The following MAPK6 variants were observed in gnomAD, a reference collection of about 807,000 sequenced individuals.
MAPK6 encodes mitogen-activated protein kinase 6, also known as ERK-3.
Under a neutral mutation model 59.3 loss-of-function variants are expected in MAPK6, and 19 were observed. The observed-to-expected ratio is 0.32, with a 90% confidence interval of 0.22 to 0.47. The LOEUF is 0.47. Among genes scored for constraint, MAPK6 ranks in the 20% least tolerant of loss-of-function variants. The pLI, the probability that MAPK6 is intolerant of heterozygous loss-of-function variation, is 1.00. For missense variants in MAPK6, 724 were observed against 847.9 expected (o/e 0.85, Z 1.81); for synonymous variants, 316 against 290.3 (o/e 1.09, Z -0.90).
chr15:52,061,344 G>C lies in MAPK6; in HGVS notation c.911G>C (p.Arg304Pro). The C allele has an allele frequency of 6.2e-7, 1 of 1,614,064 alleles. No individual in the cohort carries two copies. The highest frequency in any genetic ancestry group is 8.5e-7 in the Non-Finnish European group (1 of 1,179,982). Residue 304 changes from arginine (R) to proline (P), a missense_variant, in exon 5 of 6, where the codon CGG becomes CCG. This residue lies in a region of MAPK6 where 502 missense variants were observed against 507.6 expected (regional missense o/e 0.99). Transcript: ENST00000261845. ...ATTTTGACATTTAGCCCCATGGATC[G>C]GTTAACAGCAGAAGAAGCACTCTCC... ...EQILTFSPMDRLTAEEALSHP... is the reference protein window; with the variant it reads ...EQILTFSPMDPLTAEEALSHP...
At chr15:52,031,296 A>G (rs2031023925) in intron 1 of MAPK6, among the ~76,000 whole-genome samples, 1 of 152,204 alleles carries the variant, frequency 6.6e-6, no homozygotes, top group African/African-American at 2.4e-5. Context: ...GAAGGGAGAT[A>G]TGTACTATAC....
chr15:51,972,167 C>T (rs1291051409), intron 1 of MAPK6, among the ~76,000 whole-genome samples: 1 of 152,124 alleles, frequency 6.6e-6, no homozygotes, highest in Non-Finnish European at 1.5e-5. Flanking sequence ...GAGACGGAGT[C>T]TCGCTCAGTC....
rs72079500 is a variant in MAPK6 at position 52,007,703 on chromosome 15, CA to C, written c.-632+3317del. Among the ~76,000 whole-genome samples, 707 of 126,086 alleles carry C rather than the reference CA, an allele frequency of 5.6e-3. 8 individuals carry two copies. Among genetic ancestry groups the C allele is most frequent in the African/African-American group, 0.014 (473 of 33,092 alleles). 82.7% of individuals were successfully genotyped at this position (126,086 alleles called of 152,430 possible). A position where few individuals can be genotyped will look rare whatever the true frequency, so the allele number is the denominator to read the frequency against. On this transcript the variant is annotated intron_variant, in intron 3 of 7. Transcript: ENST00000691380. ...GGGCAATAGAGCTAGAGCTCTATCT[CA>C]AAAAAAAAAAAAAAATTAATTCCTT...
upstream of MAPK6, among the ~76,000 whole-genome samples, chr15:52,018,217 G>A (rs1316594013): frequency 1.5e-5 from 2 of 134,302 alleles, no homozygotes; most frequent in African/African-American, 5.0e-5. Context: ...TAGTGGAGAC[G>A]GGGCTTTCAC....
chr15:51,991,362 G>C (rs2057208232), intron 2 of MAPK6, among the ~76,000 whole-genome samples: 1 of 152,062 alleles, frequency 6.6e-6, no homozygotes, highest in African/African-American at 2.4e-5. Flanking sequence ...CTGTCCTTTA[G>C]ATGAGAAAAG....
intron 1 of MAPK6, among the ~76,000 whole-genome samples, chr15:52,045,501 C>T (rs528112776): frequency 7.2e-5 from 11 of 152,270 alleles, no homozygotes; most frequent in African/African-American, 2.2e-4. Context: ...ATGTTACTAA[C>T]GTTTTACCCC....
intron 2 of MAPK6, among the ~76,000 whole-genome samples, chr15:52,049,447 C>A (rs1392307186): frequency 6.6e-6 from 1 of 150,918 alleles, no homozygotes; most frequent in African/African-American, 2.4e-5. Context: ...CCCACCTCAG[C>A]CTCCCAAGTA....
chr15:52,064,471 T>C lies in MAPK6; in HGVS notation c.1637T>C (p.Val546Ala). 1 of 1,608,370 alleles carries C rather than the reference T, an allele frequency of 6.2e-7. No individual in the cohort carries two copies. The highest frequency in any genetic ancestry group is 8.5e-7 in the Non-Finnish European group (1 of 1,178,024). The change falls in exon 6 of 6, where the codon GTT becomes GCT. Residue 546 changes from valine to alanine, a missense_variant. Around this residue, in one of 4 missense-constraint regions of MAPK6, gnomAD observed 502 missense variants for 507.6 expected, o/e 0.99. Transcript: ENST00000261845. ...QLSSQHEPTDVVDKLNDLNSS... is the reference protein window; with the variant it reads ...QLSSQHEPTDAVDKLNDLNSS... ...AGTTCCCAGCATGAGCCTACTGATG[T>C]TGTTGATAAATTAAATGACTTGAAT...
intron 1 of MAPK6, chr15:52,027,782 C>T (rs1595982157): frequency 8.0e-6 from 1 of 125,526 alleles, no homozygotes; most frequent in Non-Finnish European, 1.7e-5. Flanking sequence ...TATTTATTTA[C>T]TGTTTTTTGA....
chr15:52,007,846 T>C (rs1410323431), intron 3 of MAPK6, among the ~76,000 whole-genome samples: 2 of 149,724 alleles, frequency 1.3e-5, no homozygotes, highest in Admixed American at 1.3e-4. Context: ...ATATTTCACC[T>C]CTTTTTTTTT....
chr15:51,994,499 G>A (rs775383466), intron 2 of MAPK6, among the ~76,000 whole-genome samples: 8 of 152,072 alleles, frequency 5.3e-5, no homozygotes, highest in Admixed American at 2.6e-4. Context: ...AGCAATGATC[G>A]TGCCACTGTA....
chr15:52,036,818 CCTCCT>C (rs1253863731), intron 1 of MAPK6, among the ~76,000 whole-genome samples: 3 of 151,740 alleles, frequency 2.0e-5, no homozygotes, highest in Non-Finnish European at 4.4e-5. Context: ...CTTTCCCTCC[CCTCCT>C]CTCCCCTCCC....
At chr15:51,993,715 G>T (rs903043762) in intron 2 of MAPK6, among the ~76,000 whole-genome samples, 1 of 151,864 alleles carries the variant, frequency 6.6e-6, no homozygotes, top group Non-Finnish European at 1.5e-5. Context: ...TCCACAAAAA[G>T]GGCCTGAGAA....
In MAPK6 at chr15:52,065,048, GTC is replaced by G; in HGVS notation, c.*50_*51del. 3 of 1,498,546 alleles carry G rather than the reference GTC, an allele frequency of 2.0e-6. No homozygotes were observed. Among genetic ancestry groups the G allele is most frequent in the Non-Finnish European group, 2.7e-6 (3 of 1,120,740 alleles). 92.8% of individuals were successfully genotyped at this position (1,498,546 alleles called of 1,614,324 possible). On this transcript the variant is annotated 3_prime_UTR_variant, in exon 6 of 6. Transcript: ENST00000261845. ...TTGTATTCTTCATGAAATGTGTTTTGTCTTTTTTTATTACTAGTGTTTAAGTC... is the reference window on the plus strand; with the variant it reads ...TTGTATTCTTCATGAAATGTGTTTTGTTTTTTTATTACTAGTGTTTAAGTC...
At chr15:52,032,135 A>T (rs2031061233) in intron 1 of MAPK6, among the ~76,000 whole-genome samples, 1 of 151,634 alleles carries the variant, frequency 6.6e-6, no homozygotes, top group South Asian at 2.1e-4. Flanking sequence ...CGGCCTCCCA[A>T]AGTGCTGGGA....
chr15:52,062,504 C>T (rs1311035700), intron 5 of MAPK6, among the ~76,000 whole-genome samples: 1 of 152,076 alleles, frequency 6.6e-6, no homozygotes, highest in East Asian at 1.9e-4. Flanking sequence ...GTGGCTCATG[C>T]CTGTAATCCC....
chr15:52,053,549 G>A (rs2031854196), intron 3 of MAPK6, among the ~76,000 whole-genome samples: 1 of 151,828 alleles, frequency 6.6e-6, no homozygotes, highest in Admixed American at 6.6e-5. Flanking sequence ...CTCCTATTCT[G>A]CAGTTTTTTT....
At chr15:52,027,803 C>G in intron 1 of MAPK6, 1 of 151,406 alleles carries the variant, frequency 6.6e-6, no homozygotes, top group Non-Finnish European at 1.5e-5. Flanking sequence ...GATGGAGTCT[C>G]ACTCTGTTGG....
intron 1 of MAPK6, among the ~76,000 whole-genome samples, chr15:52,036,108 G>C (rs764586058): frequency 6.6e-6 from 1 of 152,078 alleles, no homozygotes; most frequent in Non-Finnish European, 1.5e-5. Context: ...GGTGGTGTGC[G>C]CCTGTACTCC....
Sources: allele counts gnomAD v4.1 joint callset (sites outside exome capture counted in the v4.1 genomes callset), GRCh38; gene constraint gnomAD v4.1.1; regional missense constraint gnomAD v4.1.1; transcripts MANE v1.5; gene names NCBI Gene and HGNC (gene_info 2026-07-23, HGNC 2026-07-21).